NBPF6: variants seen among roughly 807,000 people sequenced by gnomAD.
The protein encoded by NBPF6 is NBPF member 6.
NBPF6 carries 2 observed loss-of-function variants against 20.8 expected under a neutral mutation model. The ratio of observed to expected loss-of-function variants is 0.10; its 90% CI spans 0.04 to 0.30. The LOEUF (loss-of-function observed/expected upper bound fraction) is 0.30. NBPF6 is among the 10% of genes least tolerant of loss of function. The pLI, the probability that NBPF6 is intolerant of heterozygous loss-of-function variation, is 1.00. For missense variants in NBPF6, 85 were observed against 260.3 expected (o/e 0.33, Z 4.63); for synonymous variants, 24 against 100.0 (o/e 0.24, Z 4.53).
Position 108,452,979 on chromosome 1 carries a change from T to TG in NBPF6, c.279-202_279-201insG, listed in dbSNP as rs1652926425. Reference sequence around the variant, plus strand: ...GTGTGTGTGTGTGTGTGTATGTTTGTTTGTGTGTGTGTGTGTGTGTGTGTG... The same window carrying TG: ...GTGTGTGTGTGTGTGTGTATGTTTGTGTTGTGTGTGTGTGTGTGTGTGTGTG... On this transcript the variant is annotated intron_variant, in intron 3 of 14. Transcript: ENST00000495380. Among the ~76,000 whole-genome samples, 3 of 48,350 alleles carry TG rather than the reference T, an allele frequency of 6.2e-5. 1 individual carries two copies. Among genetic ancestry groups the TG allele is most frequent in the African/African-American group, 2.2e-4 (3 of 13,342 alleles). The allele number at this position is 48,350 out of a possible 152,430, so 31.7% of individuals were successfully genotyped here.
rs1460220664 is a variant in NBPF6 at position 108,471,788 on chromosome 1, A to AT, written c.*1157dup. On this transcript the variant is annotated 3_prime_UTR_variant, in exon 15 of 15. Transcript: ENST00000495380. ...TAAAGTTTTAAATCACTTTAATTAA[A>AT]TTTTTTTGCCTATCACCCTGGACTA... Among the ~76,000 whole-genome samples, 17 of 152,144 alleles carry AT rather than the reference A, an allele frequency of 1.1e-4. No individual in the cohort carries two copies. Among genetic ancestry groups the AT allele is most frequent in the African/African-American group, 3.6e-4 (15 of 41,420 alleles).
chr1:108,459,553 A>G (rs1268952599), intron 9 of NBPF6, among the ~76,000 whole-genome samples: 1 of 141,626 alleles, frequency 7.1e-6, no homozygotes, highest in Non-Finnish European at 1.6e-5. Flanking sequence ...ATGCCTCAAA[A>G]CCTATGTTTA....
the NBPF6 span, among the ~76,000 whole-genome samples, chr1:108,437,865 AAAAG>A: frequency 0.021 from 936 of 43,678 alleles, 82 homozygotes; most frequent in African/African-American, 0.068. Flanking sequence ...AAAGGGAGAA[AAAAG>A]AAAGAAAGAA....
chr1:108,449,415 A>AAT (rs1652739708), upstream of NBPF6, among the ~76,000 whole-genome samples: 5 of 9,604 alleles, frequency 5.2e-4, no homozygotes, highest in African/African-American at 6.0e-4. Context: ...TGTTAGAACA[A>AAT]CTATATATAT....
At chr1:108,459,530 C>T (rs1270724540) in intron 9 of NBPF6, among the ~76,000 whole-genome samples, 9 of 147,732 alleles carry the variant, frequency 6.1e-5, no homozygotes, top group East Asian at 5.9e-4. Flanking sequence ...CATGCGATTT[C>T]GGGGATACGA....
chr1:108,468,050 G>C lies in NBPF6; in HGVS notation c.1875+385G>C, dbSNP rs2257518. Among the ~76,000 whole-genome samples, 129 of 150,312 alleles carry C rather than the reference G, an allele frequency of 8.6e-4. 7 individuals carry two copies. The highest frequency in any genetic ancestry group is 1.5e-3 in the Non-Finnish European group (102 of 67,582). Reference sequence around the variant, plus strand: ...GCATCCCCAACTCCATTGCCTCTTTGTGTAGAAATCATTGCTTTAATACGT... The same window carrying C: ...GCATCCCCAACTCCATTGCCTCTTTCTGTAGAAATCATTGCTTTAATACGT... On this transcript the variant is annotated intron_variant, in intron 14 of 14. Transcript: ENST00000495380.
chr1:108,459,315 A>G, intron 9 of NBPF6, among the ~76,000 whole-genome samples: 1 of 107,226 alleles, frequency 9.3e-6, no homozygotes, highest in African/African-American at 3.3e-5. Flanking sequence ...ACATCAAACC[A>G]CTTGACCTTG....
At chr1:108,460,520 CT>C (rs1653081402) in intron 10 of NBPF6, among the ~76,000 whole-genome samples, 1 of 108,868 alleles carries the variant, frequency 9.2e-6, no homozygotes, top group South Asian at 2.8e-4. Flanking sequence ...TTTTTGTCTA[CT>C]TTTCATTAAA....
chr1:108,448,226 C>T (rs1299224353), upstream of NBPF6, among the ~76,000 whole-genome samples: 3 of 145,928 alleles, frequency 2.1e-5, no homozygotes, highest in African/African-American at 5.0e-5. Flanking sequence ...AATGACAGTG[C>T]TTTGAGATGT....
chr1:108,437,825 GA>G, the NBPF6 span, among the ~76,000 whole-genome samples: 1 of 17,998 alleles, frequency 5.6e-5, no homozygotes, highest in South Asian at 3.4e-3. Flanking sequence ...GAGGGCAGGG[GA>G]GGGGAGGGGA....
Position 108,467,559 on chromosome 1 carries a change from T to A in NBPF6, c.1769T>A (p.Ile590Asn). ...CAAGGGCGTCAAGTCACTGGCCGGA[T>A]TCGTGCCTCCCTTGTCCTGATACTG... ...NTQGRQVTGRIRASLVLILKT... is the reference protein window; with the variant it reads ...NTQGRQVTGRNRASLVLILKT... Residue 590 changes from isoleucine (I) to asparagine (N), a missense_variant, in exon 14 of 15, where the codon ATT becomes AAT. This residue lies in a region of NBPF6 where 11 missense variants were observed against 40.9 expected (regional missense o/e 0.27). Transcript: ENST00000495380. 6.5e-7 allele frequency: 1 copy of A among 1,549,974 alleles called. No homozygotes were observed. The highest frequency in any genetic ancestry group is 8.7e-7 in the Non-Finnish European group (1 of 1,146,046).
At chr1:108,436,449 A>G in the NBPF6 span, among the ~76,000 whole-genome samples, 3 of 92,896 alleles carry the variant, frequency 3.2e-5, no homozygotes, top group Non-Finnish European at 7.7e-5. Context: ...CGTCTCTACT[A>G]AAAGCACAAA....
intron 3 of NBPF6, among the ~76,000 whole-genome samples, chr1:108,452,497 CTCT>C (rs1490740043): frequency 1.4e-3 from 82 of 58,006 alleles, no homozygotes; most frequent in African/African-American, 3.5e-3. Flanking sequence ...GCCTTGTTTT[CTCT>C]TCTTAAAACC....
intron 3 of NBPF6, among the ~76,000 whole-genome samples, 156 bp from the exon 4 acceptor site, chr1:108,453,025 C>A (rs962299723): frequency 5.9e-5 from 3 of 50,680 alleles, no homozygotes; most frequent in Admixed American, 2.0e-4. Flanking sequence ...TATATATATT[C>A]TTCTTTCTCT....
chr1:108,471,640 T>G lies in NBPF6; in HGVS notation c.*1002T>G, dbSNP rs1653481600. Among the ~76,000 whole-genome samples, 1 of 152,230 alleles carries G rather than the reference T, an allele frequency of 6.6e-6. No homozygotes were observed. The highest frequency in any genetic ancestry group is 2.4e-5 in the African/African-American group (1 of 41,446). ...TATATTTATGTTTTTACATTGGAAA[T>G]TGTCTTCTCAAAATTTTACTATGTA... is the stretch of plus-strand genomic sequence containing the variant. On this transcript the variant is annotated 3_prime_UTR_variant, in exon 15 of 15. Transcript: ENST00000495380.
chr1:108,469,947 T>A (rs954461333), intron 14 of NBPF6, among the ~76,000 whole-genome samples: 3 of 120,636 alleles, frequency 2.5e-5, no homozygotes, highest in African/African-American at 9.8e-5. Flanking sequence ...GACCTCCAGA[T>A]TGGAGCCTTT....
chr1:108,429,627 G>T, the NBPF6 span, among the ~76,000 whole-genome samples: 2 of 148,362 alleles, frequency 1.3e-5, no homozygotes, highest in African/African-American at 5.0e-5. Flanking sequence ...CCATGTAGTC[G>T]TGTGGTTTTG....
In NBPF6 at chr1:108,471,301, G is replaced by A. The variant is rs1012890159; in HGVS notation, c.*663G>A. ...TCTCTGGCTCAATGGTCTACATTCTGAAGTTATCTGAAAATGTCGTCATGA... is the reference window on the plus strand; with the variant it reads ...TCTCTGGCTCAATGGTCTACATTCTAAAGTTATCTGAAAATGTCGTCATGA... On this transcript the variant is annotated 3_prime_UTR_variant, in exon 15 of 15. Transcript: ENST00000495380. 6.6e-6 allele frequency among the ~76,000 whole-genome samples: 1 copy of A among 152,146 alleles called. No individual in the cohort carries two copies. Among genetic ancestry groups the A allele is most frequent in the Non-Finnish European group, 1.5e-5 (1 of 68,024 alleles).
chr1:108,468,139 T>C lies in NBPF6; in HGVS notation c.1875+474T>C, dbSNP rs368039356. 4.5e-4 allele frequency among the ~76,000 whole-genome samples: 68 copies of C among 151,548 alleles called. No individual in the cohort carries two copies. The East Asian group carries it at 0.012, about 27-fold the overall frequency. Reference sequence around the variant, plus strand: ...GCAACACAACTAATTCAACTCTTAATCATCACTTGTTCCTCTGAATGAGAA... The same window carrying C: ...GCAACACAACTAATTCAACTCTTAACCATCACTTGTTCCTCTGAATGAGAA... On this transcript the variant is annotated intron_variant, in intron 14 of 14. Coordinates refer to ENST00000495380, the MANE Select transcript of NBPF6 (RefSeq NM_001143988.2).
Sources: gnomAD v4.1 joint callset for allele counts (sites outside exome capture counted in the v4.1 genomes callset) on GRCh38, gnomAD v4.1.1 for gene constraint, gnomAD v4.1.1 regional missense constraint, MANE v1.5 for transcripts, NCBI Gene and HGNC (gene_info 2026-07-23, HGNC 2026-07-21) for gene names.